The following GPC5 variants were observed in gnomAD, a reference collection of about 807,000 sequenced individuals.
GPC5 encodes the protein glypican 5, also known as glypican-5.
GPC5 carries 47 observed loss-of-function variants against 53.9 expected under a neutral mutation model. The observed-to-expected ratio is 0.87, with a 90% CI of 0.69 to 1.11. The LOEUF (loss-of-function observed/expected upper bound fraction) is 1.11, where lower values mean the gene tolerates loss of function less well. Ranked by LOEUF, GPC5 falls within the 50% of genes most tolerant of loss-of-function variation. The pLI is 0.00. For synonymous variants in GPC5, 286 were observed against 263.3 expected, an observed-to-expected ratio of 1.09 and a Z score of -0.84; for missense variants, 748 against 713.1, an observed-to-expected ratio of 1.05 and a Z score of -0.56.
At chr13:91,407,234 GT>G (rs927147639) in intron 1 of GPC5, among the ~76,000 whole-genome samples, 6 of 152,134 alleles carry the variant, frequency 3.9e-5, no homozygotes, top group African/African-American at 1.4e-4. Flanking sequence ...TTTTTGTGGG[GT>G]TAATTTTTGC....
intron 7 of GPC5, among the ~76,000 whole-genome samples, chr13:92,343,660 T>A (rs1183731790): frequency 6.6e-6 from 1 of 152,210 alleles, no homozygotes; most frequent in Non-Finnish European, 1.5e-5. Flanking sequence ...TTTATAAAAT[T>A]AAATTTTCAA....
intron 7 of GPC5, among the ~76,000 whole-genome samples, chr13:92,194,139 T>C (rs1008108977): frequency 6.6e-6 from 1 of 152,190 alleles, no homozygotes; most frequent in Non-Finnish European, 1.5e-5. Context: ...TTTATGGCAA[T>C]TTACTCTCAT....
chr13:91,702,584 CCTTATT>C (rs1384385597), intron 3 of GPC5, among the ~76,000 whole-genome samples: 2 of 151,930 alleles, frequency 1.3e-5, no homozygotes, highest in Non-Finnish European at 2.9e-5. Flanking sequence ...CAGTGTGATG[CCTTATT>C]CTTATTGCAC....
intron 5 of GPC5, among the ~76,000 whole-genome samples, chr13:91,897,653 G>C (rs1566329799): frequency 6.6e-6 from 1 of 152,090 alleles, no homozygotes; most frequent in South Asian, 2.1e-4. Flanking sequence ...GTAAAACTGT[G>C]TTCTCTATAA....
At chr13:92,166,958 A>ATCTCTCTCTCT (rs1566465872) in intron 7 of GPC5, among the ~76,000 whole-genome samples, 1,323 of 65,382 alleles carry the variant, frequency 0.02, 16 homozygotes, top group African/African-American at 0.056. Flanking sequence ...TCTCTCTCTC[A>ATCTCTCTCTCT]CACACACACA....
intron 2 of GPC5, among the ~76,000 whole-genome samples, chr13:91,477,409 G>A (rs1486207596): frequency 6.6e-6 from 1 of 152,146 alleles, no homozygotes; most frequent in Non-Finnish European, 1.5e-5. Flanking sequence ...AACTCATAGA[G>A]AAGGGGATCT....
chr13:92,303,548 C>T (rs1474612932), intron 7 of GPC5, among the ~76,000 whole-genome samples: 2 of 151,990 alleles, frequency 1.3e-5, no homozygotes, highest in Non-Finnish European at 2.9e-5. Flanking sequence ...GAGACAGGCC[C>T]TGAGAGGCAA....
At chr13:92,538,533 T>C (rs925822509) in intron 7 of GPC5, among the ~76,000 whole-genome samples, 12 of 148,742 alleles carry the variant, frequency 8.1e-5, no homozygotes, top group East Asian at 2.1e-4. Flanking sequence ...TACATAGGTA[T>C]ACATGTGCCA....
At chr13:91,983,492 CTTGCTGAACCAGCTCT>C (rs2040379668) in intron 6 of GPC5, among the ~76,000 whole-genome samples, 1 of 152,136 alleles carries the variant, frequency 6.6e-6, no homozygotes, top group African/African-American at 2.4e-5. Flanking sequence ...CTGACTCAGA[CTTGCTGAACCAGCTCT>C]TTGCTGACAT....
intron 2 of GPC5, among the ~76,000 whole-genome samples, chr13:91,621,761 T>TATATATATATATATATA (rs11462875): frequency 0.063 from 2,918 of 46,124 alleles, 719 homozygotes; most frequent in Middle Eastern, 0.12. Flanking sequence ...GGACAGAACA[T>TATATATATATATATATA]TATATATATA....
chr13:91,962,082 GAC>G (rs1288323919), intron 6 of GPC5, among the ~76,000 whole-genome samples: 2 of 152,104 alleles, frequency 1.3e-5, no homozygotes, highest in Non-Finnish European at 2.9e-5. Context: ...AAATTCATTT[GAC>G]AGTTAAATTT....
chr13:92,102,176 C>G (rs1469311339), intron 6 of GPC5, among the ~76,000 whole-genome samples: 1 of 151,398 alleles, frequency 6.6e-6, no homozygotes, highest in Non-Finnish European at 1.5e-5. Flanking sequence ...TTCTTTGGAA[C>G]AGAGAGGGAG....
At chr13:92,708,669 A>G in intron 7 of GPC5, among the ~76,000 whole-genome samples, 1 of 151,342 alleles carries the variant, frequency 6.6e-6, no homozygotes, top group African/African-American at 2.5e-5. Context: ...GTGGAGCAAT[A>G]CGTAAGGTTG....
At chr13:92,359,720 G>A (rs2043550587) in intron 7 of GPC5, among the ~76,000 whole-genome samples, 2 of 151,624 alleles carry the variant, frequency 1.3e-5, no homozygotes, top group Admixed American at 1.3e-4. Context: ...GCTGAAGCAG[G>A]AAGAGAGGGC....
chr13:91,706,187 A>G (rs1002731320), intron 3 of GPC5, among the ~76,000 whole-genome samples: 13 of 150,686 alleles, frequency 8.6e-5, no homozygotes, highest in African/African-American at 3.2e-4. Flanking sequence ...CCCTAGCTAC[A>G]TGTAATTTTT....
At chr13:91,401,665 A>G (rs1876965617) in intron 1 of GPC5, among the ~76,000 whole-genome samples, 1 of 152,236 alleles carries the variant, frequency 6.6e-6, no homozygotes, top group African/African-American at 2.4e-5. Flanking sequence ...CACAGTTTGT[A>G]TAATATAAGC....
chr13:92,860,807 C>T (rs1048240068), intron 7 of GPC5, among the ~76,000 whole-genome samples: 2 of 152,004 alleles, frequency 1.3e-5, no homozygotes, highest in Non-Finnish European at 2.9e-5. Flanking sequence ...TAATTCTAAT[C>T]CTTTATTTTA....
chr13:92,601,563 A>G (rs9589597), intron 7 of GPC5, among the ~76,000 whole-genome samples: 11,043 of 149,334 alleles, frequency 0.074, 1,119 homozygotes, highest in African/African-American at 0.25. Context: ...TCAAAAAAAA[A>G]AAAAAAAAAA....
intron 7 of GPC5, among the ~76,000 whole-genome samples, chr13:92,762,688 A>G (rs2138739112): frequency 6.6e-6 from 1 of 152,220 alleles, no homozygotes; most frequent in African/African-American, 2.4e-5. Context: ...GTCTCTTCTC[A>G]CGAAATGCCT....
Sources: allele counts gnomAD v4.1 joint callset (sites outside exome capture counted in the v4.1 genomes callset), GRCh38; gene constraint gnomAD v4.1.1; transcripts MANE v1.5; gene names NCBI Gene and HGNC (gene_info 2026-07-23, HGNC 2026-07-21).